The following TTLL1 variants were observed in gnomAD, a reference collection of about 807,000 sequenced individuals.
TTLL1 encodes polyglutamylase complex subunit TTLL1.
TTLL1 carries 33 observed loss-of-function variants against 47.8 expected under a neutral mutation model. The ratio of observed to expected loss-of-function variants is 0.69; its 90% CI spans 0.52 to 0.92. TTLL1 has a LOEUF of 0.92. Ranked by LOEUF, TTLL1 falls within the 40% of genes least tolerant of loss-of-function variation. TTLL1 has a pLI of 0.00. For synonymous variants in TTLL1, 225 were observed against 214.1 expected, an observed-to-expected ratio of 1.05 and a Z score of -0.45; for missense variants, 488 against 547.5, an observed-to-expected ratio of 0.89 and a Z score of 1.08.
At chr22:43,074,427 CAAAAAAAAA>C (rs61701643) in intron 3 of TTLL1, among the ~76,000 whole-genome samples, 1 of 85,744 alleles carries the variant, frequency 1.2e-5, no homozygotes, top group Non-Finnish European at 2.6e-5. Flanking sequence ...AATTTCGTCT[CAAAAAAAAA>C]AAAAAAAAAA....
chr22:43,064,233 A>G lies in TTLL1; in HGVS notation c.595T>C (p.Leu199=), dbSNP rs1927580132. 1.2e-6 allele frequency: 2 copies of G among 1,614,168 alleles called. No individual in the cohort carries two copies. Among genetic ancestry groups the G allele is most frequent in the African/African-American group, 2.7e-5 (2 of 75,064 alleles). Reference sequence around the variant, plus strand: ...CGGTACGTGGACACCAGAACGTACAAGCGCAGGTCGAACTTCCTCCCGCCA... The same window carrying G: ...CGGTACGTGGACACCAGAACGTACAGGCGCAGGTCGAACTTCCTCCCGCCA... The part of the protein sequence containing the change: ...LIGGRKFDLR[L]YVLVSTYRPL... Residue 199 remains leucine, a synonymous_variant, in exon 6 of 11, where the codon TTG becomes CTG. Coordinates refer to ENST00000266254, the MANE Select transcript of TTLL1 (RefSeq NM_012263.5).
In TTLL1 at chr22:43,046,603, C is replaced by G. The variant is rs73179029; in HGVS notation, c.979-30G>C. 5.5e-3 allele frequency: 8,802 copies of G among 1,605,166 alleles called. 35 individuals are homozygous for G. The highest frequency in any genetic ancestry group is 6.8e-3 in the Non-Finnish European group (7,916 of 1,172,532). On this transcript the variant is annotated intron_variant, in intron 9 of 10. Coordinates refer to ENST00000266254, the MANE Select transcript of TTLL1 (RefSeq NM_012263.5). Reference sequence around the variant, plus strand: ...GAGATGAAAGACCCATGTTCCTCACCTGTGTCTCTCGCTCTTTTGGAATGA... The same window carrying G: ...GAGATGAAAGACCCATGTTCCTCACGTGTGTCTCTCGCTCTTTTGGAATGA...
intron 8 of TTLL1, 84 bp downstream of exon 8, chr22:43,059,300 A>C: frequency 6.5e-7 from 1 of 1,527,078 alleles, no homozygotes; most frequent in Middle Eastern, 2.4e-4. Flanking sequence ...AGCTGAAAAC[A>C]GGGATTTTTA....
At chr22:43,074,508 C>A (rs777031183) in intron 3 of TTLL1, among the ~76,000 whole-genome samples, 12 of 151,520 alleles carry the variant, frequency 7.9e-5, no homozygotes, top group Non-Finnish European at 1.8e-4. Flanking sequence ...ACTGTTTAGC[C>A]TTTTTCTTCA....
chr22:43,074,371 G>A (rs1363016017), intron 3 of TTLL1, among the ~76,000 whole-genome samples: 1 of 144,294 alleles, frequency 6.9e-6, no homozygotes, highest in Admixed American at 7.2e-5. Flanking sequence ...AGGTTGCAAT[G>A]AGCCGAGATT....
At chr22:43,055,939 C>A (rs1256764489) in intron 8 of TTLL1, among the ~76,000 whole-genome samples, 4 of 151,094 alleles carry the variant, frequency 2.6e-5, no homozygotes, top group Non-Finnish European at 5.9e-5. Context: ...AGAAGGAGGT[C>A]TCGCTATATT....
At chr22:43,055,626 C>T (rs537649171) in intron 8 of TTLL1, among the ~76,000 whole-genome samples, 9 of 151,736 alleles carry the variant, frequency 5.9e-5, no homozygotes, top group Non-Finnish European at 1.3e-4. Context: ...CCAACACATT[C>T]GGCTAATTAA....
At chr22:43,084,153 AT>A (rs960620267) in intron 1 of TTLL1, among the ~76,000 whole-genome samples, 5 of 148,282 alleles carry the variant, frequency 3.4e-5, no homozygotes, top group Non-Finnish European at 7.7e-5. Flanking sequence ...CTCTAAACAT[AT>A]TTTTTTTCTT....
chr22:43,080,329 A>G (rs986956744), intron 1 of TTLL1, among the ~76,000 whole-genome samples: 2 of 152,044 alleles, frequency 1.3e-5, no homozygotes, highest in Non-Finnish European at 2.9e-5. Flanking sequence ...TGCTGGATTT[A>G]TAGGCGTGAG....
intron 5 of TTLL1, 21 bp downstream of exon 5, chr22:43,068,387 AGT>A (rs768741672): frequency 6.2e-6 from 9 of 1,458,700 alleles, no homozygotes; most frequent in African/African-American, 1.4e-5. Flanking sequence ...TGGCACACAA[AGT>A]GGGTGGCTGC....
chr22:43,046,636 C>T, intron 9 of TTLL1, 63 bp from the exon 10 acceptor site: 1 of 1,578,270 alleles, frequency 6.3e-7, no homozygotes, highest in South Asian at 1.1e-5. Flanking sequence ...TGAAAATGTG[C>T]ACTGCAGAAG....
chr22:43,060,776 T>C (rs965215101), intron 7 of TTLL1, among the ~76,000 whole-genome samples: 8 of 152,230 alleles, frequency 5.3e-5, no homozygotes, highest in African/African-American at 1.2e-4. Flanking sequence ...ATGTATTACA[T>C]TGTTAGGAGA....
intron 10 of TTLL1, among the ~76,000 whole-genome samples, chr22:43,042,223 G>A (rs150667946): frequency 1.6e-3 from 239 of 152,298 alleles, no homozygotes; most frequent in African/African-American, 5.4e-3. Context: ...TGGAGAAAAG[G>A]ACCACATATG....
chr22:43,063,415 C>T (rs1424620622), intron 7 of TTLL1, among the ~76,000 whole-genome samples: 1 of 152,038 alleles, frequency 6.6e-6, no homozygotes, highest in Non-Finnish European at 1.5e-5. Flanking sequence ...CTTCTATACC[C>T]ACCCTGTTCT....
At chr22:43,053,930 A>G (rs1198733042) in intron 8 of TTLL1, among the ~76,000 whole-genome samples, 3 of 152,164 alleles carry the variant, frequency 2.0e-5, no homozygotes, top group Non-Finnish European at 1.5e-5. Flanking sequence ...GGGAGAGCAA[A>G]GGGCTGCTTA....
At chr22:43,042,903 T>C (rs900884236) in intron 10 of TTLL1, among the ~76,000 whole-genome samples, 1 of 151,240 alleles carries the variant, frequency 6.6e-6, no homozygotes, top group Non-Finnish European at 1.5e-5. Context: ...TCTCTTCAAC[T>C]AAAAGCAGTG....
intron 10 of TTLL1, among the ~76,000 whole-genome samples, chr22:43,044,925 C>G (rs1844585003): frequency 6.6e-6 from 1 of 151,012 alleles, no homozygotes; most frequent in African/African-American, 2.4e-5. Context: ...TGCAGTGGTG[C>G]AATTTGGGCT....
At position 43,086,010 on chromosome 22, in the gene TTLL1, C is replaced by T. The variant is rs140057418; in HGVS notation, c.-90+3267G>A. Among the ~76,000 whole-genome samples, 4 of 152,314 alleles carry T rather than the reference C, an allele frequency of 2.6e-5. No homozygotes were observed. In the East Asian group the frequency reaches 7.7e-4, roughly 29 times the overall value. ...TGTGTAGACAAGTGATCCACCGGGC[C>T]ACGCCCCACAGTGTGGAAGAATGGG... On this transcript the variant is annotated intron_variant, in intron 1 of 10. Transcript: ENST00000266254.
intron 1 of TTLL1, among the ~76,000 whole-genome samples, chr22:43,085,471 T>A (rs1229947895): frequency 6.6e-6 from 1 of 152,146 alleles, no homozygotes; most frequent in East Asian, 1.9e-4. Context: ...GATAAACGAA[T>A]CATGGGAGTG....
Sources: allele counts gnomAD v4.1 joint callset (sites outside exome capture counted in the v4.1 genomes callset), GRCh38; gene constraint gnomAD v4.1.1; transcripts MANE v1.5; gene names NCBI Gene and HGNC (gene_info 2026-07-23, HGNC 2026-07-21).